MRAP2: variants seen among roughly 807,000 people sequenced by gnomAD.
The protein encoded by MRAP2 is melanocortin-2 receptor accessory protein 2.
Under a neutral mutation model 17.4 loss-of-function variants are expected in MRAP2, and 20 were observed. That is an observed-to-expected ratio of 1.15 (90% CI 0.81 to 1.67). MRAP2 has a LOEUF of 1.67. Ranked by LOEUF, MRAP2 falls within the 40% of genes most tolerant of loss-of-function variation. The pLI, the probability that MRAP2 is intolerant of heterozygous loss-of-function variation, is 0.00. For synonymous variants in MRAP2, 96 were observed against 88.4 expected (o/e 1.09, Z -0.48); for missense variants, 238 against 240.0 (o/e 0.99, Z 0.05).
chr6:84,098,707 A>G, the MRAP2 span, among the ~76,000 whole-genome samples: 1 of 152,126 alleles, frequency 6.6e-6, no homozygotes, highest in Non-Finnish European at 1.5e-5. Context: ...GCATTTCTCT[A>G]ATGGTATTCA....
rs748825454 is a variant in MRAP2, at chr6:84,055,325, G to A, written c.7G>A (p.Ala3Thr). Residue 3 changes from alanine (A) to threonine (T), a missense_variant, in exon 2 of 4, where the codon GCC becomes ACC. Physicochemically the swap from Ala to Thr is moderately conservative, Grantham distance 58. Coordinates refer to ENST00000257776, the MANE Select transcript of MRAP2 (RefSeq NM_138409.4). MS[A>T]QRLISNRTSQ... Reference sequence around the variant, plus strand: ...CCATTTGTGCAGGTCGGAGATGTCCGCCCAGAGGTTAATTTCTAACAGAAC... The same window carrying A: ...CCATTTGTGCAGGTCGGAGATGTCCACCCAGAGGTTAATTTCTAACAGAAC... 21 of 1,612,972 alleles carry A rather than the reference G, an allele frequency of 1.3e-5. No homozygotes were observed. The highest frequency in any genetic ancestry group is 5.0e-5 in the Admixed American group (3 of 59,670).
intron 1 of MRAP2, chr6:84,052,838 T>A: frequency 7.1e-6 from 7 of 981,548 alleles, no homozygotes; most frequent in Non-Finnish European, 8.5e-6. Flanking sequence ...GCTTTGCTCC[T>A]CTCTTCCCAC....
At chr6:84,049,607 A>C (rs1267802662) in intron 1 of MRAP2, among the ~76,000 whole-genome samples, 1 of 152,188 alleles carries the variant, frequency 6.6e-6, no homozygotes, top group African/African-American at 2.4e-5. Context: ...TTAATTAAGC[A>C]ATTCTTTATT....
At chr6:84,055,490 CTT>C in intron 2 of MRAP2, 45 bp downstream of exon 2, 1 of 1,581,922 alleles carries the variant, frequency 6.3e-7, no homozygotes, top group African/African-American at 1.4e-5. Flanking sequence ...TTGTATTTCT[CTT>C]AACCTGTGAA....
chr6:84,037,675 G>T (rs566807110), intron 1 of MRAP2, among the ~76,000 whole-genome samples: 2 of 152,198 alleles, frequency 1.3e-5, no homozygotes, highest in Non-Finnish European at 2.9e-5. Context: ...GGCGCAGGCA[G>T]GCTGGCAGTG....
At chr6:84,062,842 C>A (rs756901140) in intron 2 of MRAP2, 51 bp from the exon 3 acceptor site, 1 of 1,611,008 alleles carries the variant, frequency 6.2e-7, no homozygotes, top group South Asian at 1.1e-5. Flanking sequence ...CTTGAATGTT[C>A]AAGTTTTAAA....
chr6:84,094,940 C>T (rs1018756524), downstream of MRAP2, among the ~76,000 whole-genome samples: 2 of 152,222 alleles, frequency 1.3e-5, no homozygotes, highest in African/African-American at 2.4e-5. Context: ...TACTAACAGG[C>T]TACTCAAGGC....
downstream of MRAP2, among the ~76,000 whole-genome samples, chr6:84,093,527 G>T (rs2099502149): frequency 6.6e-6 from 1 of 151,650 alleles, no homozygotes; most frequent in Admixed American, 6.5e-5. Context: ...ACAGCAAAGA[G>T]AAAGAGAAAG....
rs1361822447 is a variant in MRAP2, at chr6:84,089,385, G to A, written c.522G>A (p.Gln174=). The change falls in exon 4 of 4, where the codon CAG becomes CAA. Residue 174 remains glutamine, a synonymous_variant. Transcript: ENST00000257776. ...FDIPNFVNTD[Q]NYFGEDDLLI... ...TCCCCAACTTTGTGAACACAGACCAGAACTACTTTGGGGAGGATGATCTTC... is the reference window on the plus strand; with the variant it reads ...TCCCCAACTTTGTGAACACAGACCAAAACTACTTTGGGGAGGATGATCTTC... 1 of 1,614,172 alleles carries A rather than the reference G, an allele frequency of 6.2e-7. No homozygotes were observed. The highest frequency in any genetic ancestry group is 1.7e-5 in the Admixed American group (1 of 60,030).
the MRAP2 span, among the ~76,000 whole-genome samples, chr6:84,126,901 A>G: frequency 6.6e-6 from 1 of 152,224 alleles, no homozygotes; most frequent in South Asian, 2.1e-4. Context: ...CCATGCACAG[A>G]AAGAGTTCAA....
chr6:84,076,120 G>T (rs1459353272), intron 3 of MRAP2, among the ~76,000 whole-genome samples: 1 of 151,916 alleles, frequency 6.6e-6, no homozygotes, highest in Non-Finnish European at 1.5e-5. Flanking sequence ...GCAGTGCAGT[G>T]GTGCGATCTC....
At chr6:84,042,897 C>T (rs1198857005) in intron 1 of MRAP2, among the ~76,000 whole-genome samples, 1 of 152,220 alleles carries the variant, frequency 6.6e-6, no homozygotes, top group Non-Finnish European at 1.5e-5. Flanking sequence ...CTTACATTTC[C>T]ATTTCTGTGG....
chr6:84,140,699 A>G, the MRAP2 span, among the ~76,000 whole-genome samples: 1 of 151,690 alleles, frequency 6.6e-6, no homozygotes, highest in Non-Finnish European at 1.5e-5. Flanking sequence ...TAATTTTTGT[A>G]TTTTTTATAG....
At chr6:84,123,253 C>CAAAAAAAAAAAAAAAAAAAAAAAAAAAAA in the MRAP2 span, among the ~76,000 whole-genome samples, 1 of 119,444 alleles carries the variant, frequency 8.4e-6, no homozygotes. Flanking sequence ...CGCCCAACTC[C>CAAAAAAAAAAAAAAAAAAAAAAAAAAAAA]AAAAAAAAAA....
At chr6:84,120,952 T>C in the MRAP2 span, among the ~76,000 whole-genome samples, 2 of 152,238 alleles carry the variant, frequency 1.3e-5, no homozygotes, top group African/African-American at 4.8e-5. Flanking sequence ...GTGCTGTAAC[T>C]GTAAAATGTA....
intron 1 of MRAP2, among the ~76,000 whole-genome samples, chr6:84,050,360 C>G (rs1472555727): frequency 1.3e-5 from 2 of 152,158 alleles, no homozygotes; most frequent in Non-Finnish European, 2.9e-5. Flanking sequence ...GAGGGTCAAG[C>G]ATGATCCCTT....
chr6:84,052,541 T>A (rs1376393073), intron 1 of MRAP2, among the ~76,000 whole-genome samples: 1 of 152,196 alleles, frequency 6.6e-6, no homozygotes, highest in Non-Finnish European at 1.5e-5. Flanking sequence ...AGCTGATTAA[T>A]TTGAGGCTTG....
intron 1 of MRAP2, among the ~76,000 whole-genome samples, chr6:84,049,340 G>A (rs371770468): frequency 2.2e-4 from 34 of 152,038 alleles, no homozygotes; most frequent in East Asian, 1.4e-3. Context: ...CAGGAGAATC[G>A]CTTGAACCCA....
At chr6:84,033,625 C>T (rs2129154171), upstream of MRAP2, 1 of 947,312 alleles carries the variant, frequency 1.1e-6, no homozygotes, top group Non-Finnish European at 1.3e-6. Context: ...AAGCTCACCT[C>T]CTCTTGGCCA....
Sources: gnomAD v4.1 joint callset for allele counts (sites outside exome capture counted in the v4.1 genomes callset) on GRCh38, gnomAD v4.1.1 for gene constraint, MANE v1.5 for transcripts, NCBI Gene and HGNC (gene_info 2026-07-23, HGNC 2026-07-21) for gene names.